DSCAM: variants seen among roughly 807,000 people sequenced by gnomAD.
The protein encoded by DSCAM is DS cell adhesion molecule.
Under a neutral mutation model 217.7 loss-of-function variants are expected in DSCAM, and 47 were observed. The ratio of observed to expected loss-of-function variants is 0.22; its 90% CI spans 0.17 to 0.28. DSCAM has a LOEUF of 0.28. Among genes scored for constraint, DSCAM ranks in the 10% least tolerant of loss-of-function variants. The pLI is 1.00. For synonymous variants in DSCAM, 1,056 were observed against 1,015.3 expected, an observed-to-expected ratio of 1.04 and a Z score of -0.76; for missense variants, 2,080 against 2,618.3, an observed-to-expected ratio of 0.79 and a Z score of 4.49.
rs146110944 is a variant in DSCAM, at chr21:40,156,135, A to T, written c.3018+11083T>A. Among the ~76,000 whole-genome samples the T allele has an allele frequency of 3.8e-3, 570 of 151,748 alleles. 1 individual carries two copies. Among genetic ancestry groups the T allele is most frequent in the Admixed American group, 0.024 (371 of 15,232 alleles). On this transcript the variant is annotated intron_variant, in intron 16 of 32. Coordinates refer to ENST00000400454, the MANE Select transcript of DSCAM (RefSeq NM_001389.5). ...GAACCCTTAAGTGATGTAGGAGGAG[A>T]GGGTAAGTATGGAGACAAACTGAGT... is the stretch of plus-strand genomic sequence containing the variant.
At chr21:40,207,832 G>A (rs1390829453) in intron 11 of DSCAM, among the ~76,000 whole-genome samples, 2 of 152,204 alleles carry the variant, frequency 1.3e-5, no homozygotes, top group East Asian at 3.9e-4. Flanking sequence ...CTCTCTCCGT[G>A]GCTTGCAGAT....
In DSCAM at chr21:40,708,700, T is replaced by C. The variant is rs1362157582; in HGVS notation, c.115A>G (p.Thr39Ala). ...ASLQEVVFAS[T>A]TGTLVPCPAA... is the part of the protein sequence containing the mutation. The stretch of plus-strand genomic sequence containing the variant: ...GGGCAGGGCACCAGAGTCCCCGTGG[T>C]GCTGGCAAACACTACCTCTTGCAGA... Residue 39 changes from threonine (T) to alanine (A), a missense_variant, in exon 2 of 33, where the codon ACC becomes GCC. Around this residue, in one of 5 missense-constraint regions of DSCAM, gnomAD observed 568 missense variants for 678.1 expected, o/e 0.84. Coordinates refer to ENST00000400454, the MANE Select transcript of DSCAM (RefSeq NM_001389.5). 3 of 1,611,706 alleles carry C rather than the reference T, an allele frequency of 1.9e-6. No individual in the cohort carries two copies. Among genetic ancestry groups the C allele is most frequent in the East Asian group, 2.2e-5 (1 of 44,832 alleles).
chr21:40,061,005 T>C (rs962926821), intron 28 of DSCAM, among the ~76,000 whole-genome samples: 1 of 152,202 alleles, frequency 6.6e-6, no homozygotes, highest in Non-Finnish European at 1.5e-5. Context: ...TGTGATGAAG[T>C]ACCCCTTATG....
intron 18 of DSCAM, among the ~76,000 whole-genome samples, chr21:40,141,943 C>T (rs75988415): frequency 0.14 from 20,814 of 148,534 alleles, 1,667 homozygotes; most frequent in African/African-American, 0.23. Flanking sequence ...TTGCCCTAAA[C>T]AAACAGGAAC....
chr21:40,044,416 C>A (rs1470477507), intron 30 of DSCAM, 141 bp from the exon 31 acceptor site: 1 of 756,644 alleles, frequency 1.3e-6, no homozygotes, highest in South Asian at 1.9e-5. Flanking sequence ...TTCTCCTGTG[C>A]AGAGGATACT....
chr21:40,652,961 C>A (rs1314099084), intron 3 of DSCAM, among the ~76,000 whole-genome samples: 1 of 152,094 alleles, frequency 6.6e-6, no homozygotes, highest in Non-Finnish European at 1.5e-5. Context: ...AATGAAAACC[C>A]TGGACACCAA....
At chr21:40,691,277 A>G (rs937509671) in intron 3 of DSCAM, among the ~76,000 whole-genome samples, 1 of 152,220 alleles carries the variant, frequency 6.6e-6, no homozygotes, top group African/African-American at 2.4e-5. Context: ...TAATTCTCCC[A>G]TGCTCTCTTC....
intron 2 of DSCAM, among the ~76,000 whole-genome samples, chr21:40,702,294 T>C (rs2146469732): frequency 1.3e-5 from 2 of 152,316 alleles, no homozygotes; most frequent in African/African-American, 2.4e-5. Context: ...TGAAATTTAA[T>C]GTGAACTATG....
intron 3 of DSCAM, among the ~76,000 whole-genome samples, chr21:40,664,969 C>A (rs1198828643): frequency 6.6e-6 from 1 of 152,082 alleles, no homozygotes; most frequent in African/African-American, 2.4e-5. Context: ...GAGTCTGGAA[C>A]CTCCTCTTCT....
intron 1 of DSCAM, among the ~76,000 whole-genome samples, chr21:40,783,039 T>C (rs961843159): frequency 1.3e-5 from 2 of 152,204 alleles, no homozygotes; most frequent in Non-Finnish European, 2.9e-5. Flanking sequence ...TGGTGGTATT[T>C]ATTGGTATTT....
At position 40,633,152 on chromosome 21, in the gene DSCAM, C is replaced by T. The variant is rs551526493; in HGVS notation, c.508+59658G>A. ...TCCCTATTTAATACATCATCACCAG[C>T]GAACACAAATGCTGGGTGACAGTTA... On this transcript the variant is annotated intron_variant, in intron 3 of 32. Transcript: ENST00000400454. 1.3e-3 allele frequency among the ~76,000 whole-genome samples: 203 copies of T among 152,326 alleles called. 1 individual carries two copies. The highest frequency in any genetic ancestry group is 4.4e-3 in the African/African-American group (185 of 41,574).
chr21:40,121,795 T>G (rs1290110180), intron 20 of DSCAM, among the ~76,000 whole-genome samples: 1 of 149,478 alleles, frequency 6.7e-6, no homozygotes, highest in Non-Finnish European at 1.5e-5. Flanking sequence ...GTTCAAGAGT[T>G]TCTCCTGCCT....
intron 3 of DSCAM, among the ~76,000 whole-genome samples, chr21:40,575,343 G>A (rs2076841111): frequency 6.6e-6 from 1 of 152,078 alleles, no homozygotes; most frequent in South Asian, 2.1e-4. Context: ...CTGCACCCAG[G>A]TGATTAAAAA....
chr21:40,087,153 A>G lies in DSCAM; in HGVS notation c.3968+17T>C. On this transcript the variant is annotated intron_variant, in intron 22 of 32. Coordinates refer to ENST00000400454, the MANE Select transcript of DSCAM (RefSeq NM_001389.5). ...TCTTAGAGTCTCACTGAAGGCATAC[A>G]TTGGGTTACTGGTTACCTGTCTTTC... 1 of 1,562,610 alleles carries G rather than the reference A, an allele frequency of 6.4e-7. No individual in the cohort carries two copies. The highest frequency in any genetic ancestry group is 1.1e-5 in the South Asian group (1 of 90,002).
At chr21:40,352,504 C>A (rs1403782809) in intron 5 of DSCAM, among the ~76,000 whole-genome samples, 2 of 151,694 alleles carry the variant, frequency 1.3e-5, no homozygotes, top group Non-Finnish European at 2.9e-5. Context: ...TTCTCTTAGG[C>A]TGGTGTTGCG....
intron 3 of DSCAM, among the ~76,000 whole-genome samples, chr21:40,653,305 T>G (rs1431975827): frequency 6.6e-6 from 1 of 152,014 alleles, no homozygotes; most frequent in African/African-American, 2.4e-5. Context: ...CTTGGAGCAG[T>G]AGAAAAAAGA....
At chr21:40,836,135 T>C (rs2092053886) in intron 1 of DSCAM, among the ~76,000 whole-genome samples, 1 of 152,146 alleles carries the variant, frequency 6.6e-6, no homozygotes, top group Non-Finnish European at 1.5e-5. Context: ...CCGTTCTAGC[T>C]CATCTCTTAA....
chr21:40,443,559 A>G (rs1241944707), intron 3 of DSCAM, among the ~76,000 whole-genome samples: 3 of 152,242 alleles, frequency 2.0e-5, no homozygotes, highest in Admixed American at 1.3e-4. Context: ...TTTCATGATC[A>G]AAATAAAATC....
intron 1 of DSCAM, among the ~76,000 whole-genome samples, chr21:40,721,709 G>A (rs776674778): frequency 2.0e-5 from 3 of 151,940 alleles, no homozygotes; most frequent in East Asian, 1.9e-4. Context: ...CCTAATATAC[G>A]TATAATTGGA....
Sources: gnomAD v4.1 joint callset for allele counts (sites outside exome capture counted in the v4.1 genomes callset) on GRCh38, gnomAD v4.1.1 for gene constraint, gnomAD v4.1.1 regional missense constraint, MANE v1.5 for transcripts, NCBI Gene and HGNC (gene_info 2026-07-23, HGNC 2026-07-21) for gene names.